NPAS3: variants seen among roughly 807,000 people sequenced by gnomAD.
NPAS3 encodes the protein neuronal PAS domain protein 3, also known as neuronal PAS domain-containing protein 3.
In NPAS3, 14 loss-of-function variants were observed where a neutral mutation model predicts 73.1. That is an observed-to-expected ratio of 0.19 (90% confidence interval 0.13 to 0.30). The LOEUF is 0.30. Ranked by LOEUF, NPAS3 falls within the 10% of genes least tolerant of loss-of-function variation. The pLI is 1.00. For synonymous variants in NPAS3, 620 were observed against 541.5 expected (o/e 1.14, Z -2.01); for missense variants, 1,096 against 1,250.0 (o/e 0.88, Z 1.86).
intron 3 of NPAS3, among the ~76,000 whole-genome samples, chr14:33,284,671 A>C (rs2140080009): frequency 6.6e-6 from 1 of 152,306 alleles, no homozygotes; most frequent in South Asian, 2.1e-4. Context: ...TTAAGGAAAA[A>C]GCAAATTCAC....
intron 6 of NPAS3, among the ~76,000 whole-genome samples, chr14:33,734,630 A>G (rs2061479716): frequency 6.6e-6 from 1 of 152,256 alleles, no homozygotes; most frequent in East Asian, 1.9e-4. Flanking sequence ...GTTTCTGTCT[A>G]TACATCCCAT....
chr14:33,448,970 A>T (rs2049657136), intron 4 of NPAS3, among the ~76,000 whole-genome samples: 1 of 152,198 alleles, frequency 6.6e-6, no homozygotes, highest in Non-Finnish European at 1.5e-5. Flanking sequence ...AAAAATAATT[A>T]GCAATGGAAA....
intron 2 of NPAS3, among the ~76,000 whole-genome samples, chr14:33,100,875 G>A (rs940515745): frequency 2.0e-5 from 3 of 152,126 alleles, no homozygotes; most frequent in African/African-American, 7.2e-5. Flanking sequence ...GAGGAAATAT[G>A]TTATGTTTGA....
chr14:33,388,066 A>T (rs1220059620), intron 4 of NPAS3, among the ~76,000 whole-genome samples: 1 of 152,030 alleles, frequency 6.6e-6, no homozygotes, highest in Non-Finnish European at 1.5e-5. Context: ...TCACTGGTGA[A>T]TGTGGTTTTA....
chr14:33,636,903 GCACACACA>G (rs34527893), intron 5 of NPAS3, among the ~76,000 whole-genome samples: 5 of 149,278 alleles, frequency 3.3e-5, no homozygotes, highest in East Asian at 2.0e-4. Context: ...CTCGGAGTGT[GCACACACA>G]CACACACACA....
At chr14:33,299,684 A>G in intron 3 of NPAS3, among the ~76,000 whole-genome samples, 1 of 152,198 alleles carries the variant, frequency 6.6e-6, no homozygotes, top group South Asian at 2.1e-4. Flanking sequence ...TCTTTAAATC[A>G]GAAGAGTTTG....
chr14:33,320,796 A>G (rs1405678265), intron 3 of NPAS3, among the ~76,000 whole-genome samples: 1 of 152,196 alleles, frequency 6.6e-6, no homozygotes, highest in Non-Finnish European at 1.5e-5. Context: ...TTTCTGGGAA[A>G]GTAAGGCATG....
Position 33,764,848 on chromosome 14 carries a change from A to C in NPAS3, c.853-9489A>C, listed in dbSNP as rs190916676. On this transcript the variant is annotated intron_variant, in intron 7 of 11. Transcript: ENST00000356141. The stretch of plus-strand genomic sequence containing the variant: ...AAATGAAATTTGATCAGATGTATAC[A>C]GTTCAGCCTTCTTGCTTTGCCCCTT... 2.4e-3 allele frequency among the ~76,000 whole-genome samples: 363 copies of C among 152,364 alleles called. 1 individual carries two copies. The highest frequency in any genetic ancestry group is 8.1e-3 in the South Asian group (39 of 4,828).
At chr14:32,981,311 A>G (rs1240728370) in intron 1 of NPAS3, among the ~76,000 whole-genome samples, 1 of 152,194 alleles carries the variant, frequency 6.6e-6, no homozygotes, top group African/African-American at 2.4e-5. Context: ...AATAATTCAT[A>G]TTTTGCATTT....
intron 3 of NPAS3, among the ~76,000 whole-genome samples, chr14:33,315,979 A>C (rs2043193432): frequency 6.6e-6 from 1 of 152,098 alleles, no homozygotes; most frequent in Admixed American, 6.6e-5. Context: ...TTATAACTCA[A>C]GGTATGTGGA....
chr14:33,336,021 T>G (rs2140294586), intron 3 of NPAS3, among the ~76,000 whole-genome samples: 1 of 152,338 alleles, frequency 6.6e-6, no homozygotes, highest in African/African-American at 2.4e-5. Flanking sequence ...AATGCAAAAC[T>G]TTCTAAAGTC....
chr14:33,254,045 T>C (rs2048686521), intron 3 of NPAS3, among the ~76,000 whole-genome samples: 1 of 152,088 alleles, frequency 6.6e-6, no homozygotes, highest in African/African-American at 2.4e-5. Context: ...CTAGATCAGC[T>C]CTTCTCCATC....
chr14:33,271,478 A>G (rs1208217355), intron 3 of NPAS3, among the ~76,000 whole-genome samples: 1 of 152,054 alleles, frequency 6.6e-6, no homozygotes, highest in Non-Finnish European at 1.5e-5. Flanking sequence ...GAGACAAGAG[A>G]GCAGGAGGTC....
intron 9 of NPAS3, among the ~76,000 whole-genome samples, chr14:33,788,179 CACTT>C (rs1471689279): frequency 6.6e-6 from 1 of 152,192 alleles, no homozygotes; most frequent in African/African-American, 2.4e-5. Flanking sequence ...ACACCCCCCT[CACTT>C]ACACACACAG....
intron 5 of NPAS3, among the ~76,000 whole-genome samples, chr14:33,597,053 A>C (rs2139977743): frequency 6.6e-6 from 1 of 152,348 alleles, no homozygotes; most frequent in Middle Eastern, 3.4e-3. Flanking sequence ...TATAAATCAA[A>C]GGCGGTCTTG....
intron 8 of NPAS3, among the ~76,000 whole-genome samples, chr14:33,777,576 A>G (rs1043735137): frequency 6.6e-6 from 1 of 151,922 alleles, no homozygotes; most frequent in Non-Finnish European, 1.5e-5. Flanking sequence ...AAAAAAACAC[A>G]TGAAGAGTAA....
At chr14:33,280,217 ACTCTC>A (rs139377606) in intron 3 of NPAS3, among the ~76,000 whole-genome samples, 4,083 of 151,666 alleles carry the variant, frequency 0.027, 151 homozygotes, top group African/African-American at 0.084. Context: ...TACCCCTTTT[ACTCTC>A]CTCTCAAGGG....
At chr14:33,185,725 C>T (rs756634633) in intron 2 of NPAS3, among the ~76,000 whole-genome samples, 11 of 152,112 alleles carry the variant, frequency 7.2e-5, no homozygotes, top group Non-Finnish European at 1.6e-4. Flanking sequence ...TATTGTAATA[C>T]TGGCCAAGGA....
intron 2 of NPAS3, among the ~76,000 whole-genome samples, chr14:33,186,472 C>T (rs1459027352): frequency 6.6e-6 from 1 of 152,150 alleles, no homozygotes; most frequent in Non-Finnish European, 1.5e-5. Context: ...ACCCTGCCAC[C>T]AGATTTCATT....
Sources: allele counts gnomAD v4.1 joint callset (sites outside exome capture counted in the v4.1 genomes callset), GRCh38; gene constraint gnomAD v4.1.1; transcripts MANE v1.5; gene names NCBI Gene and HGNC (gene_info 2026-07-23, HGNC 2026-07-21).